TNIK: variants seen among roughly 807,000 people sequenced by gnomAD.
The protein encoded by TNIK is TRAF2 and NCK interacting kinase.
In TNIK, 49 loss-of-function variants were observed where a neutral mutation model predicts 191.3. That is an observed-to-expected ratio of 0.26 (90% CI 0.20 to 0.32). The LOEUF (loss-of-function observed/expected upper bound fraction) is 0.32, where lower values mean the gene tolerates loss of function less well. Among genes scored for constraint, TNIK ranks in the 10% least tolerant of loss-of-function variants. The pLI is 1.00. For missense variants in TNIK, 1,155 were observed against 1,702.3 expected, an observed-to-expected ratio of 0.68 and a Z score of 5.66; for synonymous variants, 594 against 600.9, an observed-to-expected ratio of 0.99 and a Z score of 0.17.
rs184853783 is a variant in TNIK, at chr3:171,220,619, G to A, written c.180+7546C>T. Among the ~76,000 whole-genome samples, 178 of 152,134 alleles carry A rather than the reference G, an allele frequency of 1.2e-3. 1 individual carries two copies. Among genetic ancestry groups the A allele is most frequent in the African/African-American group, 4.1e-3 (171 of 41,520 alleles). ...TGTTCCACTACTGAGGAACTTGATT[G>A]GAAATCATGCTTTGAACAGCCCCGT... is the stretch of plus-strand genomic sequence containing the variant. On this transcript the variant is annotated intron_variant, in intron 3 of 32. Coordinates refer to ENST00000436636, the MANE Select transcript of TNIK (RefSeq NM_015028.4).
rs547840903 is a variant in TNIK, at chr3:171,234,856, A to G, written c.124-6635T>C. 1.4e-3 allele frequency among the ~76,000 whole-genome samples: 217 copies of G among 152,292 alleles called. 1 individual carries two copies. Among genetic ancestry groups the G allele is most frequent in the African/African-American group, 5.0e-3 (207 of 41,560 alleles). On this transcript the variant is annotated intron_variant, in intron 2 of 32. Transcript: ENST00000436636. ...CAAGATGAGGGGTGACGAGAACTCAAAAGCAGACGAGCCAGCCTCTGGGCC... is the reference window on the plus strand; with the variant it reads ...CAAGATGAGGGGTGACGAGAACTCAGAAGCAGACGAGCCAGCCTCTGGGCC...
In TNIK at chr3:171,398,059, T is replaced by A. The variant is rs1451613860; in HGVS notation, c.58-28374A>T. Among the ~76,000 whole-genome samples the A allele has an allele frequency of 2.6e-5, 4 of 152,238 alleles. No individual in the cohort carries two copies. In the East Asian group the frequency reaches 7.7e-4, roughly 29 times the overall value. Reference sequence around the variant, plus strand: ...GGAGAAAGAAAATACAACAGGCTGGTGATATGCATACTTTTAATTTATGTT... The same window carrying A: ...GGAGAAAGAAAATACAACAGGCTGGAGATATGCATACTTTTAATTTATGTT... On this transcript the variant is annotated intron_variant, in intron 1 of 32. Coordinates refer to ENST00000436636, the MANE Select transcript of TNIK (RefSeq NM_015028.4).
intron 1 of TNIK, among the ~76,000 whole-genome samples, chr3:171,407,109 G>A (rs918197841): frequency 6.6e-6 from 1 of 152,186 alleles, no homozygotes; most frequent in African/African-American, 2.4e-5. Context: ...GGGGACTGGG[G>A]TCCGGTGGTT....
At chr3:171,185,610 C>T (rs912870946) in intron 7 of TNIK, among the ~76,000 whole-genome samples, 5 of 152,154 alleles carry the variant, frequency 3.3e-5, no homozygotes, top group South Asian at 2.1e-4. Context: ...TGGCACTCCT[C>T]CTTAGGAGAG....
chr3:171,073,746 T>C (rs571277466), intron 28 of TNIK, among the ~76,000 whole-genome samples: 2 of 151,266 alleles, frequency 1.3e-5, no homozygotes, highest in South Asian at 4.1e-4. Flanking sequence ...AACCAACAGA[T>C]GAACAAATGC....
At chr3:171,102,143 G>A (rs989986497) in intron 21 of TNIK, 1 of 152,214 alleles carries the variant, frequency 6.6e-6, no homozygotes, top group African/African-American at 2.4e-5. Flanking sequence ...GACTCATTTG[G>A]TGTGTCATCA....
At chr3:171,340,479 C>T (rs1417852349) in intron 2 of TNIK, among the ~76,000 whole-genome samples, 1 of 152,176 alleles carries the variant, frequency 6.6e-6, no homozygotes, top group African/African-American at 2.4e-5. Context: ...TTTTAATTTA[C>T]TCCCATTTCA....
intron 2 of TNIK, among the ~76,000 whole-genome samples, chr3:171,296,700 T>C (rs1314319505): frequency 1.3e-5 from 2 of 152,236 alleles, no homozygotes; most frequent in Non-Finnish European, 2.9e-5. Context: ...AAAATATTGA[T>C]AATTATTGAA....
rs1428051028 is a variant in TNIK, at chr3:171,262,782, A to G, written c.124-34561T>C. ...TTGTTCTAATATCCATGCCTCAATA[A>G]AACCACACTATTTCTGGTTTTTGTT... On this transcript the variant is annotated intron_variant, in intron 2 of 32. Coordinates refer to ENST00000436636, the MANE Select transcript of TNIK (RefSeq NM_015028.4). Among the ~76,000 whole-genome samples, 3 of 152,212 alleles carry G rather than the reference A, an allele frequency of 2.0e-5. No individual in the cohort carries two copies. In the East Asian group the frequency reaches 5.8e-4, roughly 29 times the overall value.
At chr3:171,298,547 G>A (rs1752562790) in intron 2 of TNIK, among the ~76,000 whole-genome samples, 1 of 152,182 alleles carries the variant, frequency 6.6e-6, no homozygotes, top group African/African-American at 2.4e-5. Flanking sequence ...AGGCCAAAGT[G>A]TAAAAGAGCT....
intron 2 of TNIK, among the ~76,000 whole-genome samples, chr3:171,358,342 C>A (rs2011708): frequency 2.6e-5 from 4 of 151,868 alleles, no homozygotes; most frequent in Non-Finnish European, 5.9e-5. Flanking sequence ...CAGTCATGGC[C>A]GGAAGTGAAT....
chr3:171,177,234 T>C, intron 8 of TNIK, 92 bp downstream of exon 8: 2 of 1,364,548 alleles, frequency 1.5e-6, no homozygotes, highest in Non-Finnish European at 2.0e-6. Flanking sequence ...CTCGGTGTAG[T>C]GGAAGTAAAG....
intron 2 of TNIK, among the ~76,000 whole-genome samples, chr3:171,267,011 G>A (rs555595624): frequency 2.6e-5 from 4 of 152,280 alleles, no homozygotes; most frequent in African/African-American, 9.6e-5. Context: ...GGCATTTTCA[G>A]CATTATAAAT....
At chr3:171,173,235 A>AAG (rs1735549190) in intron 9 of TNIK, among the ~76,000 whole-genome samples, 1 of 150,906 alleles carries the variant, frequency 6.6e-6, no homozygotes, top group Non-Finnish European at 1.5e-5. Flanking sequence ...AAAAAAAAAA[A>AAG]AATACAAAAA....
chr3:171,259,218 G>T (rs1747284380), intron 2 of TNIK, among the ~76,000 whole-genome samples: 1 of 152,112 alleles, frequency 6.6e-6, no homozygotes, highest in South Asian at 2.1e-4. Flanking sequence ...TTACATTCAG[G>T]CAGAGTGTTG....
chr3:171,198,662 T>C (rs1739021613), intron 4 of TNIK, among the ~76,000 whole-genome samples: 1 of 152,154 alleles, frequency 6.6e-6, no homozygotes, highest in Non-Finnish European at 1.5e-5. Flanking sequence ...TAAAGGCTGT[T>C]GGGGCTAGTT....
At chr3:171,237,110 G>A (rs1408742655) in intron 2 of TNIK, among the ~76,000 whole-genome samples, 2 of 152,124 alleles carry the variant, frequency 1.3e-5, no homozygotes, top group African/African-American at 2.4e-5. Flanking sequence ...CCACACTGGT[G>A]TCATGAGAAA....
At chr3:171,452,679 C>G (rs528143341) in intron 1 of TNIK, among the ~76,000 whole-genome samples, 1 of 151,566 alleles carries the variant, frequency 6.6e-6, no homozygotes, top group African/African-American at 2.4e-5. Flanking sequence ...TTAATCAAAA[C>G]AGCAGTCATA....
intron 1 of TNIK, among the ~76,000 whole-genome samples, chr3:171,389,347 G>A (rs1262702060): frequency 6.6e-6 from 1 of 152,164 alleles, no homozygotes; most frequent in Non-Finnish European, 1.5e-5. Flanking sequence ...CCAAGTCTGT[G>A]TCAGCAACCA....
Sources: allele counts gnomAD v4.1 joint callset (sites outside exome capture counted in the v4.1 genomes callset), GRCh38; gene constraint gnomAD v4.1.1; transcripts MANE v1.5; gene names NCBI Gene and HGNC (gene_info 2026-07-23, HGNC 2026-07-21).